Variants in SLC6A13 observed in about 807,000 individuals in gnomAD.
SLC6A13 encodes the protein sodium- and chloride-dependent GABA transporter 2.
A neutral mutation model predicts 72.9 loss-of-function variants in SLC6A13; 69 were observed. That is an observed-to-expected ratio of 0.95 (90% CI 0.78 to 1.16). The LOEUF (loss-of-function observed/expected upper bound fraction) is 1.16. Ranked by LOEUF, SLC6A13 falls within the 50% of genes most tolerant of loss-of-function variation. The pLI is 0.00. For missense variants in SLC6A13, 735 were observed against 760.5 expected (o/e 0.97, Z 0.39); for synonymous variants, 303 against 303.0 (o/e 1.00, Z 0.00).
intron 7 of SLC6A13, among the ~76,000 whole-genome samples, chr12:230,418 C>G (rs998116381): frequency 9.2e-5 from 14 of 152,158 alleles, no homozygotes; most frequent in African/African-American, 3.1e-4. Context: ...TTACATTAAT[C>G]TGGGCTCAAT....
In SLC6A13 at chr12:257,851, C is replaced by T. The variant is rs757155388; in HGVS notation, c.202+2000G>A. ...TGGAAGGCAATCTCTCCCACCTCTT[C>T]GTGCCATTCCTGCTAATTCCCAGGC... On this transcript the variant is annotated intron_variant, in intron 2 of 14. Transcript: ENST00000343164. Among the ~76,000 whole-genome samples, 44 of 152,326 alleles carry T rather than the reference C, an allele frequency of 2.9e-4. No homozygotes were observed. In the Middle Eastern group the frequency reaches 0.01, roughly 36 times the overall value.
At chr12:225,087 G>A (rs755819489) in intron 9 of SLC6A13, among the ~76,000 whole-genome samples, 4 of 152,244 alleles carry the variant, frequency 2.6e-5, no homozygotes, top group East Asian at 1.9e-4. Flanking sequence ...TCAGAATGCC[G>A]CTGACACACG....
intron 4 of SLC6A13, among the ~76,000 whole-genome samples, chr12:240,441 G>A (rs187350044): frequency 6.6e-6 from 1 of 152,348 alleles, no homozygotes; most frequent in African/African-American, 2.4e-5. Flanking sequence ...CTGAGCTGAG[G>A]CGATCCACTG....
At chr12:228,695 C>T (rs563220455) in intron 7 of SLC6A13, among the ~76,000 whole-genome samples, 1 of 152,324 alleles carries the variant, frequency 6.6e-6, no homozygotes, top group South Asian at 2.1e-4. Flanking sequence ...GCCCCTACCC[C>T]TTGCTCCCTC....
rs546889427 is a variant in SLC6A13, at chr12:260,648, G to A, written c.-5-591C>T. Among the ~76,000 whole-genome samples, 5 of 151,990 alleles carry A rather than the reference G, an allele frequency of 3.3e-5. No individual in the cohort carries two copies. The South Asian group carries it at 6.2e-4, about 19-fold the overall frequency. ...ATAAATTATGGCACATTCATATAAT[G>A]GACTACTATATATAATCATTAAAAC... is the stretch of plus-strand genomic sequence containing the variant. On this transcript the variant is annotated intron_variant, in intron 1 of 14. Transcript: ENST00000343164.
chr12:223,795 G>A (rs1277354848), intron 11 of SLC6A13, 197 bp downstream of exon 11: 1 of 592,386 alleles, frequency 1.7e-6, no homozygotes, highest in Non-Finnish European at 3.0e-6. Flanking sequence ...CCCTGGAGGT[G>A]GGTGGTCCAT....
intron 11 of SLC6A13, among the ~76,000 whole-genome samples, 160 bp from the exon 12 acceptor site, chr12:223,394 C>T (rs1342026766): frequency 6.6e-6 from 1 of 151,832 alleles, no homozygotes; most frequent in Non-Finnish European, 1.5e-5. Context: ...AGCCATAAAG[C>T]ATGAGGCGGA....
intron 2 of SLC6A13, among the ~76,000 whole-genome samples, chr12:247,592 G>A (rs1942398322): frequency 6.6e-6 from 1 of 152,074 alleles, no homozygotes; most frequent in African/African-American, 2.4e-5. Flanking sequence ...CCAGAAATGT[G>A]GAAGAAACTC....
chr12:234,690 G>A (rs1170192846), intron 7 of SLC6A13, among the ~76,000 whole-genome samples: 1 of 151,990 alleles, frequency 6.6e-6, no homozygotes, highest in Non-Finnish European at 1.5e-5. Context: ...GCTAATTTTT[G>A]TATTTTTAGT....
intron 2 of SLC6A13, among the ~76,000 whole-genome samples, chr12:247,897 T>C (rs1171808877): frequency 6.6e-6 from 1 of 152,140 alleles, no homozygotes; most frequent in Non-Finnish European, 1.5e-5. Flanking sequence ...AGATAAAGTG[T>C]GATAAGTTAA....
chr12:229,725 G>A (rs765435711), intron 7 of SLC6A13, among the ~76,000 whole-genome samples: 7 of 152,176 alleles, frequency 4.6e-5, no homozygotes, highest in African/African-American at 9.7e-5. Flanking sequence ...CAGGCCTGAC[G>A]GTGCGCTGGG....
intron 13 of SLC6A13, 37 bp downstream of exon 13, chr12:222,495 C>T: frequency 7.3e-7 from 1 of 1,374,690 alleles, no homozygotes; most frequent in Non-Finnish European, 1.0e-6. Flanking sequence ...CCGTCTCTCC[C>T]TCCCTTCATC....
chr12:238,033 GA>G (rs769185368), intron 4 of SLC6A13, 23 bp from the exon 5 acceptor site: 4 of 1,603,708 alleles, frequency 2.5e-6, no homozygotes, highest in Non-Finnish European at 3.4e-6. Context: ...CACGAGGAGG[GA>G]AAAAAGAGAA....
chr12:248,813 A>G (rs1942445349), intron 2 of SLC6A13, among the ~76,000 whole-genome samples: 1 of 152,216 alleles, frequency 6.6e-6, no homozygotes, highest in East Asian at 1.9e-4. Flanking sequence ...CATTCTACCC[A>G]ACAGTCCAAC....
Position 226,523 on chromosome 12 carries a change from C to A in SLC6A13, c.936-9G>T, listed in dbSNP as rs756906749. On this transcript the variant is annotated splice_polypyrimidine_tract_variant and intron_variant, in intron 8 of 14. Transcript: ENST00000343164. ...AGAGGGCGATGCAGTCCCTGTGGGGCAGGGGTGAGGAGAGGGCGGAATGGC... is the reference window on the plus strand; with the variant it reads ...AGAGGGCGATGCAGTCCCTGTGGGGAAGGGGTGAGGAGAGGGCGGAATGGC... The A allele has an allele frequency of 6.2e-7, 1 of 1,613,090 alleles. No homozygotes were observed. The highest frequency in any genetic ancestry group is 2.2e-5 in the East Asian group (1 of 44,856).
Position 262,779 on chromosome 12 carries a change from C to T in SLC6A13, c.-6+10G>A, listed in dbSNP as rs1454553905. ...GAAATAGAAAAAAAAGAGAAGAAAACATTTCGAACCTTAGTGAAGCTGCTG... is the reference window on the plus strand; with the variant it reads ...GAAATAGAAAAAAAAGAGAAGAAAATATTTCGAACCTTAGTGAAGCTGCTG... On this transcript the variant is annotated intron_variant, in intron 1 of 14. Coordinates refer to ENST00000343164, the MANE Select transcript of SLC6A13 (RefSeq NM_016615.5). 1.2e-6 allele frequency: 1 copy of T among 812,630 alleles called. No individual in the cohort carries two copies. Among genetic ancestry groups the T allele is most frequent in the East Asian group, 1.3e-4 (1 of 7,968 alleles). The allele number at this position is 812,630 out of a possible 1,614,324, so 50.3% of individuals were successfully genotyped here.
chr12:224,264 T>C, intron 10 of SLC6A13, 135 bp from the exon 11 acceptor site: 1 of 1,400,114 alleles, frequency 7.1e-7, no homozygotes, highest in South Asian at 1.3e-5. Flanking sequence ...TGTCCTTGCC[T>C]GGTTAGGTCA....
chr12:258,843 C>T (rs1242915032), intron 2 of SLC6A13: 2 of 839,716 alleles, frequency 2.4e-6, no homozygotes, highest in Non-Finnish European at 2.9e-6. Flanking sequence ...AACATGCACA[C>T]ATTTGTGCTG....
intron 2 of SLC6A13, among the ~76,000 whole-genome samples, chr12:247,423 T>C (rs1475149877): frequency 1.3e-5 from 2 of 152,150 alleles, no homozygotes; most frequent in African/African-American, 4.8e-5. Context: ...AAGACAGTGA[T>C]AAGGAAGCAC....
Sources: allele counts gnomAD v4.1 joint callset (sites outside exome capture counted in the v4.1 genomes callset), GRCh38; gene constraint gnomAD v4.1.1; transcripts MANE v1.5; gene names NCBI Gene and HGNC (gene_info 2026-07-23, HGNC 2026-07-21).